DPY19L4: variants seen among roughly 807,000 people sequenced by gnomAD.
The protein encoded by DPY19L4 is probable C-mannosyltransferase DPY19L4.
In DPY19L4, 97 loss-of-function variants were observed where a neutral mutation model predicts 102.8. The observed-to-expected ratio is 0.94, with a 90% CI of 0.80 to 1.12. The LOEUF (loss-of-function observed/expected upper bound fraction) is 1.12, where lower values mean the gene tolerates loss of function less well. Ranked by LOEUF, DPY19L4 falls within the 50% of genes most tolerant of loss-of-function variation. The pLI is 0.00. For missense variants in DPY19L4, 815 were observed against 850.4 expected, an observed-to-expected ratio of 0.96 and a Z score of 0.52; for synonymous variants, 252 against 283.1, an observed-to-expected ratio of 0.89 and a Z score of 1.10.
Position 94,781,074 on chromosome 8 carries a change from T to TTG in DPY19L4, c.1633-10_1633-9insTG. On this transcript the variant is annotated splice_polypyrimidine_tract_variant and intron_variant, in intron 15 of 18. Transcript: ENST00000414645. Reference sequence around the variant, plus strand: ...TTTGGGGATTTTTTTTTTTTTTTTTTGCATTTTAGTTTTTTCCCAGATTAA... The same window carrying TTG: ...TTTGGGGATTTTTTTTTTTTTTTTTTTGGCATTTTAGTTTTTTCCCAGATTAA... 6.5e-7 allele frequency: 1 copy of TTG among 1,536,962 alleles called. No individual in the cohort carries two copies. Among genetic ancestry groups the TTG allele is most frequent in the Non-Finnish European group, 8.7e-7 (1 of 1,145,174 alleles).
intron 2 of DPY19L4, among the ~76,000 whole-genome samples, chr8:94,728,055 G>C (rs1031395055): frequency 6.6e-6 from 1 of 152,094 alleles, no homozygotes; most frequent in African/African-American, 2.4e-5. Context: ...TCCATCTTCT[G>C]GGTTCAAGCA....
rs1375415566 is a variant in DPY19L4 at position 94,732,880 on chromosome 8, G to A, written c.128-1750G>A. Among the ~76,000 whole-genome samples, 4 of 141,156 alleles carry A rather than the reference G, an allele frequency of 2.8e-5. No individual in the cohort carries two copies. In the South Asian group the frequency reaches 6.6e-4, roughly 23 times the overall value. 92.6% of individuals were successfully genotyped at this position (141,156 alleles called of 152,430 possible). A position where few individuals can be genotyped will look rare whatever the true frequency, so the allele number is the denominator to read the frequency against. On this transcript the variant is annotated intron_variant, in intron 2 of 18. Coordinates refer to ENST00000414645, the MANE Select transcript of DPY19L4 (RefSeq NM_181787.3). ...GGCTGGAATGCAGTGTTGCCATCTCGGTTCACTACAACCTCTGCCTCCTGG... is the reference window on the plus strand; with the variant it reads ...GGCTGGAATGCAGTGTTGCCATCTCAGTTCACTACAACCTCTGCCTCCTGG...
chr8:94,751,060 C>T (rs906329909), intron 6 of DPY19L4, among the ~76,000 whole-genome samples: 1 of 151,598 alleles, frequency 6.6e-6, no homozygotes, highest in Non-Finnish European at 1.5e-5. Context: ...GGATTACAGG[C>T]GTGAGCCACT....
chr8:94,752,908 G>T (rs574767344), intron 6 of DPY19L4, among the ~76,000 whole-genome samples: 2 of 150,560 alleles, frequency 1.3e-5, no homozygotes, highest in Non-Finnish European at 1.5e-5. Context: ...CTCGTGATCC[G>T]CCCACCTCGG....
intron 6 of DPY19L4, among the ~76,000 whole-genome samples, chr8:94,751,640 C>A (rs1449898054): frequency 6.6e-6 from 1 of 152,080 alleles, no homozygotes; most frequent in Non-Finnish European, 1.5e-5. Context: ...CAGGTGCGCA[C>A]CACCACGGCC....
intron 3 of DPY19L4, among the ~76,000 whole-genome samples, chr8:94,737,643 C>T (rs537800541): frequency 3.6e-4 from 55 of 151,792 alleles, no homozygotes; most frequent in African/African-American, 1.3e-3. Flanking sequence ...ATTAGCCGGG[C>T]GTGGTGGCGG....
intron 4 of DPY19L4, among the ~76,000 whole-genome samples, chr8:94,738,802 G>T (rs1811309774): frequency 6.6e-6 from 1 of 152,022 alleles, no homozygotes. Context: ...GTGAACCACT[G>T]CGCCCGGCTG....
chr8:94,774,868 C>G (rs551297834), intron 13 of DPY19L4, among the ~76,000 whole-genome samples: 5 of 152,058 alleles, frequency 3.3e-5, no homozygotes, highest in Admixed American at 3.3e-4. Context: ...TGAGCCACCG[C>G]GCCCAGCCTT....
chr8:94,720,079 G>T, intron 1 of DPY19L4, 65 bp downstream of exon 1: 1 of 1,504,814 alleles, frequency 6.6e-7, no homozygotes. Flanking sequence ...GGGCGGGGGC[G>T]CTGGAGGTCT....
intron 13 of DPY19L4, among the ~76,000 whole-genome samples, chr8:94,774,174 G>C (rs1019613043): frequency 6.6e-6 from 1 of 151,502 alleles, no homozygotes; most frequent in African/African-American, 2.4e-5. Flanking sequence ...CTTCCAACTA[G>C]TTGGGACCAC....
intron 6 of DPY19L4, among the ~76,000 whole-genome samples, chr8:94,745,520 A>G (rs1168520002): frequency 6.6e-6 from 1 of 152,192 alleles, no homozygotes; most frequent in African/African-American, 2.4e-5. Context: ...ACAATTAAGG[A>G]ATAAGATGCA....
At chr8:94,720,304 A>AG (rs941172759) in intron 1 of DPY19L4, 2 of 973,848 alleles carry the variant, frequency 2.1e-6, no homozygotes, top group African/African-American at 3.5e-5. Flanking sequence ...GGAAAGAGGG[A>AG]GGGTCCTGAT....
chr8:94,751,544 T>C (rs1226337824), intron 6 of DPY19L4, among the ~76,000 whole-genome samples: 1 of 151,982 alleles, frequency 6.6e-6, no homozygotes, highest in Non-Finnish European at 1.5e-5. Flanking sequence ...CAAGCTGGAG[T>C]GCAGTGGCAT....
intron 13 of DPY19L4, among the ~76,000 whole-genome samples, chr8:94,771,979 C>A (rs531676867): frequency 2.2e-4 from 34 of 152,170 alleles, no homozygotes; most frequent in Middle Eastern, 6.8e-3. Context: ...TTTGTTAAGG[C>A]AAAATAGGTA....
chr8:94,768,138 C>T (rs1381527177), intron 11 of DPY19L4, among the ~76,000 whole-genome samples: 1 of 152,068 alleles, frequency 6.6e-6, no homozygotes, highest in Admixed American at 6.6e-5. Context: ...CTATATTGGG[C>T]TTTAGAGATG....
chr8:94,768,041 C>A (rs1812753705), intron 11 of DPY19L4, among the ~76,000 whole-genome samples: 1 of 152,024 alleles, frequency 6.6e-6, no homozygotes, highest in Non-Finnish European at 1.5e-5. Context: ...TAGTAGCTAC[C>A]ATATTCAACA....
In DPY19L4 at chr8:94,726,411, GACAT is replaced by G. The variant is rs1810692277; in HGVS notation, c.98_101del (p.Asp33ValfsTer31). 1 of 1,610,668 alleles carries G rather than the reference GACAT, an allele frequency of 6.2e-7. No individual in the cohort carries two copies. On this transcript the variant is annotated frameshift_variant, in exon 2 of 19. Coordinates refer to ENST00000414645, the MANE Select transcript of DPY19L4 (RefSeq NM_181787.3). LOFTEE classifies it high-confidence loss of function. The stretch of plus-strand genomic sequence containing the variant: ...ATCTGCCAAAGAAGAGAAAATCAGT[GACAT>G]TCCAATTCCTGAAAGAGCTCCAAAA...
intron 14 of DPY19L4, among the ~76,000 whole-genome samples, chr8:94,778,343 C>T (rs4268099): frequency 0.17 from 26,219 of 151,994 alleles, 2,713 homozygotes; most frequent in African/African-American, 0.28. Flanking sequence ...CATCAAGAAT[C>T]AATTTTTATG....
rs1046798713 is a variant in DPY19L4 at position 94,768,413 on chromosome 8, G to C, written c.1194G>C (p.Trp398Cys). 6 of 1,596,996 alleles carry C rather than the reference G, an allele frequency of 3.8e-6. No individual in the cohort carries two copies. The highest frequency in any genetic ancestry group is 5.1e-6 in the Non-Finnish European group (6 of 1,175,404). The part of the protein sequence containing the change: ...LNMTKNFTMN[W>C]LLCQESLQAP... ...TCTATAGGAATTTTACAATGAATTG[G>C]CTCCTCTGTCAAGAATCCCTGCAGG... Residue 398 changes from tryptophan to cysteine, a missense_variant, in exon 12 of 19, where the codon TGG becomes TGC. Trp to Cys is a radical substitution (Grantham distance 215). Transcript: ENST00000414645.
Sources: allele counts gnomAD v4.1 joint callset (sites outside exome capture counted in the v4.1 genomes callset), GRCh38; gene constraint gnomAD v4.1.1; transcripts MANE v1.5; gene names NCBI Gene and HGNC (gene_info 2026-07-23, HGNC 2026-07-21).